The following MAP3K20 variants were observed in gnomAD, a reference collection of about 807,000 sequenced individuals.
MAP3K20 encodes the protein mitogen-activated protein kinase kinase kinase 20.
In MAP3K20, 40 loss-of-function variants were observed where a neutral mutation model predicts 85.7. The ratio of observed to expected loss-of-function variants is 0.47; its 90% CI spans 0.36 to 0.61. MAP3K20 has a LOEUF of 0.61. MAP3K20 is among the 20% of genes least tolerant of loss of function. The pLI, the probability that MAP3K20 is intolerant of heterozygous loss-of-function variation, is 0.00. For missense variants in MAP3K20, 817 were observed against 961.7 expected (o/e 0.85, Z 1.99); for synonymous variants, 325 against 327.7 (o/e 0.99, Z 0.09).
chr2:173,105,688 A>C (rs1417472374), intron 2 of MAP3K20, among the ~76,000 whole-genome samples: 2 of 152,222 alleles, frequency 1.3e-5, no homozygotes, highest in Admixed American at 6.5e-5. Flanking sequence ...AATTCCACTT[A>C]TATGAGGTAC....
At chr2:173,200,718 T>G (rs1559275400) in intron 8 of MAP3K20, among the ~76,000 whole-genome samples, 1 of 152,022 alleles carries the variant, frequency 6.6e-6, no homozygotes, top group Non-Finnish European at 1.5e-5. Context: ...ATCCCTTGAG[T>G]CCGGGAGGTC....
chr2:173,189,272 A>T (rs1690580860), intron 5 of MAP3K20, among the ~76,000 whole-genome samples: 1 of 152,220 alleles, frequency 6.6e-6, no homozygotes, highest in Non-Finnish European at 1.5e-5. Flanking sequence ...GTAGCTTATT[A>T]CTTATAGTAC....
chr2:173,234,716 C>G (rs1268828676), intron 14 of MAP3K20, among the ~76,000 whole-genome samples: 3 of 152,184 alleles, frequency 2.0e-5, no homozygotes, highest in Admixed American at 2.0e-4. Context: ...GCATAAGCAG[C>G]TCCGTCTGCA....
chr2:173,191,242 G>C, intron 7 of MAP3K20, 65 bp downstream of exon 7: 1 of 1,592,180 alleles, frequency 6.3e-7, no homozygotes, highest in Non-Finnish European at 8.5e-7. Context: ...CAAAAGAAGA[G>C]AGATACAGTT....
chr2:173,211,332 C>G, intron 10 of MAP3K20: 1 of 152,218 alleles, frequency 6.6e-6, no homozygotes, highest in East Asian at 1.9e-4. Flanking sequence ...TCACCAGTGT[C>G]AGCTTAAGAA....
chr2:173,131,730 C>CT (rs1380293656), intron 2 of MAP3K20, among the ~76,000 whole-genome samples: 1 of 152,298 alleles, frequency 6.6e-6, no homozygotes, highest in East Asian at 1.9e-4. Context: ...GGCAAGTTCT[C>CT]TAAGGGTCTG....
At chr2:173,125,410 T>G (rs1211495502) in intron 2 of MAP3K20, among the ~76,000 whole-genome samples, 1 of 152,340 alleles carries the variant, frequency 6.6e-6, no homozygotes, top group East Asian at 1.9e-4. Flanking sequence ...AATAAGGATC[T>G]CAGATTATCC....
At chr2:173,263,125 G>A (rs1685333779) in intron 18 of MAP3K20, among the ~76,000 whole-genome samples, 1 of 152,152 alleles carries the variant, frequency 6.6e-6, no homozygotes, top group African/African-American at 2.4e-5. Flanking sequence ...AGTGAGGAGG[G>A]AGATTTCAGA....
rs1375444671 is a variant in MAP3K20 at position 173,252,634 on chromosome 2, C to T, written c.1360-6065C>T. Among the ~76,000 whole-genome samples the T allele has an allele frequency of 2.6e-5, 4 of 152,300 alleles. No individual in the cohort carries two copies. The East Asian group carries it at 7.7e-4, about 29-fold the overall frequency. On this transcript the variant is annotated intron_variant, in intron 16 of 19. Transcript: ENST00000375213. Reference sequence around the variant, plus strand: ...GTAACTACTTTTTGCTACTCGAAATCCTAGCAAAAGCACTTCCCAGTGCCC... The same window carrying T: ...GTAACTACTTTTTGCTACTCGAAATTCTAGCAAAAGCACTTCCCAGTGCCC...
At chr2:173,219,843 T>C (rs1314770760) in intron 11 of MAP3K20, among the ~76,000 whole-genome samples, 1 of 151,256 alleles carries the variant, frequency 6.6e-6, no homozygotes, top group Non-Finnish European at 1.5e-5. Flanking sequence ...CTGAGGGGGG[T>C]GGATCACGAG....
At chr2:173,077,379 C>CAAAAAAAAAAAAA (rs35541382) in intron 1 of MAP3K20, among the ~76,000 whole-genome samples, 1 of 96,230 alleles carries the variant, frequency 1.0e-5, no homozygotes, top group Admixed American at 1.1e-4. Context: ...TTCAATTTTC[C>CAAAAAAAAAAAAA]AAAAAAAAAA....
At chr2:173,113,427 C>T (rs981441951) in intron 2 of MAP3K20, among the ~76,000 whole-genome samples, 1 of 151,652 alleles carries the variant, frequency 6.6e-6, no homozygotes, top group African/African-American at 2.4e-5. Flanking sequence ...TTCCTTTCTT[C>T]TGCTAGGTTT....
chr2:173,209,606 G>T lies in MAP3K20; in HGVS notation c.745-123G>T, dbSNP rs1051783952. The T allele has an allele frequency of 2.5e-5, 18 of 725,826 alleles. No homozygotes were observed. In the African/African-American group the frequency reaches 3.2e-4, roughly 13 times the overall value. 45.0% of individuals were successfully genotyped at this position (725,826 alleles called of 1,614,324 possible). On this transcript the variant is annotated intron_variant, in intron 9 of 19. Coordinates refer to ENST00000375213, the MANE Select transcript of MAP3K20 (RefSeq NM_016653.3). ...TGTAAAATAACTACATCAGGACATTGTATCATGTTTTATTTTGTTATGGTG... is the reference window on the plus strand; with the variant it reads ...TGTAAAATAACTACATCAGGACATTTTATCATGTTTTATTTTGTTATGGTG...
At chr2:173,248,483 C>T (rs1462635248) in intron 16 of MAP3K20, among the ~76,000 whole-genome samples, 1 of 152,222 alleles carries the variant, frequency 6.6e-6, no homozygotes, top group Non-Finnish European at 1.5e-5. Context: ...AATTTTACAA[C>T]TGCATAAGTC....
chr2:173,215,524 G>A (rs753207149), intron 10 of MAP3K20: 1 of 152,152 alleles, frequency 6.6e-6, no homozygotes, highest in Non-Finnish European at 1.5e-5. Flanking sequence ...GCCTTCTTTA[G>A]GGACAGTAAT....
At chr2:173,116,013 T>TAAA (rs201110882) in intron 2 of MAP3K20, among the ~76,000 whole-genome samples, 2 of 145,224 alleles carry the variant, frequency 1.4e-5, no homozygotes, top group African/African-American at 2.6e-5. Flanking sequence ...AGAGTCTAAT[T>TAAA]AAAAAAAAAA....
intron 3 of MAP3K20, among the ~76,000 whole-genome samples, chr2:173,178,424 A>G (rs1390634309): frequency 6.6e-6 from 1 of 152,200 alleles, no homozygotes; most frequent in Non-Finnish European, 1.5e-5. Flanking sequence ...CAGGCAGATC[A>G]CTTGAGGCCA....
At chr2:173,257,452 C>T (rs1268450565) in intron 16 of MAP3K20, among the ~76,000 whole-genome samples, 1 of 152,168 alleles carries the variant, frequency 6.6e-6, no homozygotes, top group Non-Finnish European at 1.5e-5. Context: ...TTCTTTCACT[C>T]ACTATAATGT....
intron 3 of MAP3K20, 128 bp downstream of exon 3, chr2:173,170,020 C>A: frequency 3.7e-6 from 3 of 821,090 alleles, no homozygotes; most frequent in East Asian, 2.7e-5. Context: ...ACTTTTGTTG[C>A]TATAAAGCAT....
Sources: allele counts gnomAD v4.1 joint callset (sites outside exome capture counted in the v4.1 genomes callset), GRCh38; gene constraint gnomAD v4.1.1; transcripts MANE v1.5; gene names NCBI Gene and HGNC (gene_info 2026-07-23, HGNC 2026-07-21).